Variants in NR2C2 observed in about 807,000 individuals in gnomAD.
NR2C2 encodes the protein Nuclear hormone receptor TR4.
In NR2C2, 6 loss-of-function variants were observed where a neutral mutation model predicts 62.9. The ratio of observed to expected loss-of-function variants is 0.10; its 90% confidence interval spans 0.05 to 0.19. The LOEUF (loss-of-function observed/expected upper bound fraction) is 0.19, where lower values mean the gene tolerates loss of function less well. Among genes scored for constraint, NR2C2 ranks in the 10% least tolerant of loss-of-function variants. NR2C2 has a pLI of 1.00. For synonymous variants in NR2C2, 272 were observed against 273.8 expected, an observed-to-expected ratio of 0.99 and a Z score of 0.07; for missense variants, 479 against 762.7, an observed-to-expected ratio of 0.63 and a Z score of 4.38.
chr3:14,954,187 A>G (rs1464150028), intron 1 of NR2C2, among the ~76,000 whole-genome samples: 7 of 152,194 alleles, frequency 4.6e-5, no homozygotes, highest in Admixed American at 2.0e-4. Context: ...AGCAGATGTC[A>G]CAAAGTATAT....
At position 15,003,992 on chromosome 3, in the gene NR2C2, T is replaced by C. The variant is rs557291942; in HGVS notation, c.72+6T>C. ...CCTCACCTCAGCGCATTCAGGTACCTGCAACCTGCCAATGGCAACCCTGCC... is the reference window on the plus strand; with the variant it reads ...CCTCACCTCAGCGCATTCAGGTACCCGCAACCTGCCAATGGCAACCCTGCC... On this transcript the variant is annotated splice_donor_region_variant and intron_variant, in intron 2 of 13. Transcript: ENST00000425241. The C allele has an allele frequency of 6.2e-7, 1 of 1,604,384 alleles. No homozygotes were observed. Among genetic ancestry groups the C allele is most frequent in the Non-Finnish European group, 8.5e-7 (1 of 1,175,712 alleles).
At chr3:15,030,244 CA>C in intron 8 of NR2C2, 30 bp from the exon 9 acceptor site, 1 of 1,584,496 alleles carries the variant, frequency 6.3e-7, no homozygotes, top group Non-Finnish European at 8.6e-7. Flanking sequence ...TGTAGATTCA[CA>C]ACAATTACAT....
At chr3:15,037,330 C>G (rs1328350961) in intron 11 of NR2C2, among the ~76,000 whole-genome samples, 1 of 151,900 alleles carries the variant, frequency 6.6e-6, no homozygotes, top group African/African-American at 2.4e-5. Context: ...CTTGGCCTCC[C>G]GAAATATTGG....
At chr3:15,012,693 G>A (rs1039673552) in intron 2 of NR2C2, among the ~76,000 whole-genome samples, 7 of 152,218 alleles carry the variant, frequency 4.6e-5, no homozygotes, top group Non-Finnish European at 1.0e-4. Flanking sequence ...TGCCTGGAGG[G>A]AGAGGTGGCA....
intron 1 of NR2C2, among the ~76,000 whole-genome samples, chr3:14,993,454 CAAAAAAA>C (rs58284681): frequency 8.4e-6 from 1 of 119,440 alleles, no homozygotes; most frequent in East Asian, 2.5e-4. Flanking sequence ...AACTCCATCT[CAAAAAAA>C]AAAAAAAGAA....
At chr3:15,008,598 C>T (rs7630212) in intron 2 of NR2C2, among the ~76,000 whole-genome samples, 26 of 151,640 alleles carry the variant, frequency 1.7e-4, no homozygotes, top group Non-Finnish European at 3.1e-4. Context: ...GCAGGCCATT[C>T]ATTGGCAGGC....
At chr3:14,975,245 A>T (rs2040171239) in intron 1 of NR2C2, among the ~76,000 whole-genome samples, 3 of 152,148 alleles carry the variant, frequency 2.0e-5, no homozygotes, top group Admixed American at 1.3e-4. Flanking sequence ...CCTGGCTAGG[A>T]CTTCTAGTAC....
intron 12 of NR2C2, chr3:15,038,599 C>T (rs961590665): frequency 5.5e-5 from 9 of 164,834 alleles, no homozygotes; most frequent in Admixed American, 1.7e-4. Context: ...GCAGCAATCA[C>T]GATGCCTGGG....
intron 6 of NR2C2, among the ~76,000 whole-genome samples, 165 bp downstream of exon 6, chr3:15,023,512 C>G (rs1575019893): frequency 6.6e-6 from 1 of 152,172 alleles, no homozygotes; most frequent in Non-Finnish European, 1.5e-5. Context: ...CACCTCTGGA[C>G]AGGCCTGAGG....
At chr3:14,956,589 G>C (rs549840626) in intron 1 of NR2C2, among the ~76,000 whole-genome samples, 2 of 152,104 alleles carry the variant, frequency 1.3e-5, no homozygotes, top group Non-Finnish European at 2.9e-5. Context: ...TGTTGCCCAG[G>C]CTGGAGTGCA....
At chr3:15,012,480 C>T (rs1028446878) in intron 2 of NR2C2, among the ~76,000 whole-genome samples, 1 of 152,166 alleles carries the variant, frequency 6.6e-6, no homozygotes, top group Non-Finnish European at 1.5e-5. Flanking sequence ...CCCACCTCGG[C>T]CTCCCAGAGT....
rs141650367 is a variant in NR2C2 at position 15,022,976 on chromosome 3, G to A, written c.557-224G>A. ...GCTGTGCTGCAGTTTTTTTTAGCAG[G>A]GAATACCACCCATCGTGAGGTCTTT... is the stretch of plus-strand genomic sequence containing the variant. On this transcript the variant is annotated intron_variant, in intron 5 of 13. Transcript: ENST00000425241. Among the ~76,000 whole-genome samples the A allele has an allele frequency of 2.5e-3, 374 of 152,212 alleles. 6 individuals carry two copies. Among genetic ancestry groups the A allele is most frequent in the East Asian group, 0.022 (113 of 5,178 alleles).
At chr3:14,978,874 A>T (rs2040283273) in intron 1 of NR2C2, among the ~76,000 whole-genome samples, 1 of 152,090 alleles carries the variant, frequency 6.6e-6, no homozygotes, top group South Asian at 2.1e-4. Flanking sequence ...CAGTGATATG[A>T]GAGGTGGTGG....
chr3:15,031,015 AT>A (rs1399536435), intron 9 of NR2C2, among the ~76,000 whole-genome samples: 2 of 152,136 alleles, frequency 1.3e-5, no homozygotes, highest in Non-Finnish European at 2.9e-5. Flanking sequence ...GTGGCCCATC[AT>A]TACTAAGACA....
intron 1 of NR2C2, among the ~76,000 whole-genome samples, chr3:14,975,464 CA>C (rs1450187788): frequency 6.6e-5 from 10 of 152,220 alleles, no homozygotes; most frequent in African/African-American, 2.4e-4. Flanking sequence ...TCCATCAGTT[CA>C]GAGGATGATG....
chr3:14,982,645 T>C (rs377497232), intron 1 of NR2C2, among the ~76,000 whole-genome samples: 1 of 152,210 alleles, frequency 6.6e-6, no homozygotes, highest in Admixed American at 6.5e-5. Flanking sequence ...AATGATTTTG[T>C]TTATAGATTT....
At chr3:15,008,208 TTTTG>T (rs1429480672) in intron 2 of NR2C2, among the ~76,000 whole-genome samples, 6 of 141,328 alleles carry the variant, frequency 4.2e-5, no homozygotes, top group South Asian at 2.1e-4. Flanking sequence ...CAAACAGTTT[TTTTG>T]TTTGTTTGTT....
intron 2 of NR2C2, among the ~76,000 whole-genome samples, chr3:15,009,112 C>T (rs1193404696): frequency 1.3e-5 from 2 of 152,184 alleles, no homozygotes; most frequent in Non-Finnish European, 2.9e-5. Context: ...ATCCCAGCTA[C>T]TCGGGAGGCT....
At chr3:15,000,850 T>G (rs1159393970) in intron 1 of NR2C2, among the ~76,000 whole-genome samples, 2 of 150,050 alleles carry the variant, frequency 1.3e-5, no homozygotes, top group Non-Finnish European at 3.0e-5. Context: ...AGTCTTGCTC[T>G]GTTGCCAAGG....
Sources: gnomAD v4.1 joint callset for allele counts (sites outside exome capture counted in the v4.1 genomes callset) on GRCh38, gnomAD v4.1.1 for gene constraint, MANE v1.5 for transcripts, NCBI Gene and HGNC (gene_info 2026-07-23, HGNC 2026-07-21) for gene names.